PRKCE: variants seen among roughly 807,000 people sequenced by gnomAD.
PRKCE encodes protein kinase C epsilon.
PRKCE carries 16 observed loss-of-function variants against 85.4 expected under a neutral mutation model. The observed-to-expected ratio is 0.19, with a 90% confidence interval of 0.13 to 0.28. The LOEUF is 0.28. PRKCE is among the 10% of genes least tolerant of loss of function. The pLI, the probability that PRKCE is intolerant of heterozygous loss-of-function variation, is 1.00. For synonymous variants in PRKCE, 388 were observed against 371.5 expected (o/e 1.04, Z -0.51); for missense variants, 573 against 975.2 (o/e 0.59, Z 5.49).
intron 1 of PRKCE, among the ~76,000 whole-genome samples, chr2:45,705,716 C>A (rs181102499): frequency 3.3e-5 from 5 of 152,296 alleles, no homozygotes; most frequent in Admixed American, 3.3e-4. Flanking sequence ...CCTGAGTGTC[C>A]TTTGACATGA....
intron 1 of PRKCE, among the ~76,000 whole-genome samples, chr2:45,773,098 C>T (rs1469675835): frequency 2.0e-5 from 3 of 152,180 alleles, no homozygotes; most frequent in Non-Finnish European, 4.4e-5. Flanking sequence ...GGCTGCATAG[C>T]CCCTCCGAGG....
chr2:46,036,922 C>G (rs1485649685), intron 10 of PRKCE, among the ~76,000 whole-genome samples: 1 of 152,162 alleles, frequency 6.6e-6, no homozygotes, highest in Non-Finnish European at 1.5e-5. Context: ...CCAGTGGAAG[C>G]CTGGCTGTCC....
intron 6 of PRKCE, among the ~76,000 whole-genome samples, chr2:45,997,773 C>T (rs902502594): frequency 3.3e-5 from 5 of 152,214 alleles, no homozygotes; most frequent in Non-Finnish European, 1.5e-5. Context: ...TCTCAAACTC[C>T]TGACCTCAAG....
chr2:46,012,630 C>T (rs1404409786), intron 10 of PRKCE, among the ~76,000 whole-genome samples: 1 of 152,166 alleles, frequency 6.6e-6, no homozygotes, highest in Non-Finnish European at 1.5e-5. Flanking sequence ...TATCAAGAAG[C>T]CCAACATCCT....
chr2:46,011,097 T>C, intron 10 of PRKCE: 2 of 368,572 alleles, frequency 5.4e-6, no homozygotes, highest in Non-Finnish European at 4.3e-6. Context: ...ACTCGAGTAT[T>C]ATTAACTAAT....
chr2:45,988,059 G>A (rs1426878744), intron 6 of PRKCE, among the ~76,000 whole-genome samples: 1 of 152,218 alleles, frequency 6.6e-6, no homozygotes, highest in African/African-American at 2.4e-5. Flanking sequence ...CCCTGTTCCT[G>A]GCTTTGGCAG....
At chr2:45,948,958 A>G (rs1573990416) in intron 2 of PRKCE, among the ~76,000 whole-genome samples, 1 of 152,204 alleles carries the variant, frequency 6.6e-6, no homozygotes, top group Non-Finnish European at 1.5e-5. Flanking sequence ...TCTCTATGCT[A>G]TTCCTCGAAT....
At chr2:45,768,697 T>C (rs919255979) in intron 1 of PRKCE, among the ~76,000 whole-genome samples, 1 of 152,268 alleles carries the variant, frequency 6.6e-6, no homozygotes, top group Non-Finnish European at 1.5e-5. Context: ...CCAAATGCTC[T>C]GTCTTTCACA....
intron 14 of PRKCE, among the ~76,000 whole-genome samples, chr2:46,162,502 C>A (rs138202160): frequency 1.3e-3 from 195 of 152,218 alleles, no homozygotes; most frequent in African/African-American, 4.5e-3. Context: ...TCCCTGCCTC[C>A]CCAGACCTTC....
intron 2 of PRKCE, among the ~76,000 whole-genome samples, chr2:45,914,752 T>C (rs1697635603): frequency 6.6e-6 from 1 of 152,192 alleles, no homozygotes; most frequent in Admixed American, 6.5e-5. Flanking sequence ...AGTGTTGCTT[T>C]TATTGGTTTG....
At chr2:46,141,270 A>G (rs1675497386) in intron 11 of PRKCE, among the ~76,000 whole-genome samples, 1 of 152,260 alleles carries the variant, frequency 6.6e-6, no homozygotes, top group Non-Finnish European at 1.5e-5. Flanking sequence ...GGATTATTAT[A>G]TAGCCACAAT....
At chr2:46,095,843 A>G (rs1023695800) in intron 11 of PRKCE, among the ~76,000 whole-genome samples, 2 of 152,274 alleles carry the variant, frequency 1.3e-5, no homozygotes, top group African/African-American at 4.8e-5. Flanking sequence ...AAGAATCGTA[A>G]TAACAGCAGC....
intron 1 of PRKCE, among the ~76,000 whole-genome samples, chr2:45,794,732 T>C (rs1687285486): frequency 6.6e-6 from 1 of 152,180 alleles, no homozygotes. Flanking sequence ...AAGGTTGGAC[T>C]GTTCGAATAC....
At chr2:45,962,614 A>G (rs1312285220) in intron 2 of PRKCE, among the ~76,000 whole-genome samples, 1 of 152,152 alleles carries the variant, frequency 6.6e-6, no homozygotes, top group Non-Finnish European at 1.5e-5. Flanking sequence ...TTTTTTCCTC[A>G]CACAGTGACT....
At chr2:45,884,295 A>C (rs985684391) in intron 2 of PRKCE, among the ~76,000 whole-genome samples, 1 of 152,080 alleles carries the variant, frequency 6.6e-6, no homozygotes, top group Non-Finnish European at 1.5e-5. Context: ...GCTACTGTTG[A>C]CTCACTTGTT....
At chr2:45,672,055 C>A (rs1191666623) in intron 1 of PRKCE, among the ~76,000 whole-genome samples, 2 of 134,362 alleles carry the variant, frequency 1.5e-5, no homozygotes, top group Non-Finnish European at 3.2e-5. Context: ...AGAGTGAGAC[C>A]CCCTGTCTCA....
At chr2:45,771,595 C>G (rs1452576470) in intron 1 of PRKCE, among the ~76,000 whole-genome samples, 1 of 152,152 alleles carries the variant, frequency 6.6e-6, no homozygotes, top group East Asian at 1.9e-4. Context: ...TGGACTAAAT[C>G]CTGGCCATCT....
intron 1 of PRKCE, among the ~76,000 whole-genome samples, chr2:45,809,907 C>A (rs1688533415): frequency 6.6e-6 from 1 of 151,596 alleles, no homozygotes; most frequent in South Asian, 2.1e-4. Flanking sequence ...TGGGTACAAG[C>A]CCAAGGAGGG....
chr2:45,684,126 G>A (rs1415447916), intron 1 of PRKCE, among the ~76,000 whole-genome samples: 1 of 152,178 alleles, frequency 6.6e-6, no homozygotes, highest in African/African-American at 2.4e-5. Context: ...TTCTTCCCCT[G>A]TGCATTCAGA....
Sources: gnomAD v4.1 joint callset for allele counts (sites outside exome capture counted in the v4.1 genomes callset) on GRCh38, gnomAD v4.1.1 for gene constraint, MANE v1.5 for transcripts, NCBI Gene and HGNC (gene_info 2026-07-23, HGNC 2026-07-21) for gene names.